Variants in RIPOR1 observed in about 807,000 individuals in gnomAD.
RIPOR1 encodes the protein RHO family interacting cell polarization regulator 1.
In RIPOR1, 58 loss-of-function variants were observed where a neutral mutation model predicts 116.5. The ratio of observed to expected loss-of-function variants is 0.50; its 90% CI spans 0.40 to 0.62. RIPOR1 has a LOEUF of 0.62. Ranked by LOEUF, RIPOR1 falls within the 20% of genes least tolerant of loss-of-function variation. The pLI is 0.00. For synonymous variants in RIPOR1, 605 were observed against 650.0 expected, an observed-to-expected ratio of 0.93 and a Z score of 1.05; for missense variants, 1,372 against 1,586.2, an observed-to-expected ratio of 0.86 and a Z score of 2.29.
intron 4 of RIPOR1, 27 bp from the exon 5 acceptor site, chr16:67,539,701 A>G: frequency 6.2e-7 from 1 of 1,613,690 alleles, no homozygotes; most frequent in East Asian, 2.2e-5. Context: ...CCTCCTAAAT[A>G]TTTGCCCCTT....
In RIPOR1 at chr16:67,545,014, G is replaced by C. The variant is rs2142616138; in HGVS notation, c.2928G>C (p.Glu976Asp). The C allele has an allele frequency of 1.2e-6, 2 of 1,613,634 alleles. No individual in the cohort carries two copies. Among genetic ancestry groups the C allele is most frequent in the Non-Finnish European group, 1.7e-6 (2 of 1,180,026 alleles). ...TGACCTTCTGGGACCAGTGCACAGA[G>C]AGACTCAGCTGCTTCCTCTGCCCGG... Reference protein sequence around the residue: ...GFLTFWDQCTERLSCFLCPVE... With the variant: ...GFLTFWDQCTDRLSCFLCPVE... The change falls in exon 17 of 22, where the codon GAG becomes GAC. Residue 976 changes from glutamate to aspartate, a missense_variant. This residue lies in a region of RIPOR1 where 1,005 missense variants were observed against 1,144.7 expected (regional missense o/e 0.88). Coordinates refer to ENST00000042381, the MANE Select transcript of RIPOR1 (RefSeq NM_024519.4). This position sits in a 1 kb window ranked among gnomAD's most constrained non-coding sequence, Gnocchi z 4.8.
At chr16:67,526,657 C>T (rs2050542240), upstream of RIPOR1, among the ~76,000 whole-genome samples, 1 of 152,238 alleles carries the variant, frequency 6.6e-6, no homozygotes, top group Non-Finnish European at 1.5e-5. Context: ...CCTACCCGCA[C>T]ACTACTTAGA....
In RIPOR1 at chr16:67,536,015, A is replaced by C. The variant is rs192396347; in HGVS notation, c.-23-2409A>C. On this transcript the variant is annotated intron_variant, in intron 1 of 21. Transcript: ENST00000042381. Reference sequence around the variant, plus strand: ...GGCCCAACCCAGCCTTTTGGGGAGAAAGTAAGCACAGTATGGGAGAACTGA... The same window carrying C: ...GGCCCAACCCAGCCTTTTGGGGAGACAGTAAGCACAGTATGGGAGAACTGA... Among the ~76,000 whole-genome samples, 234 of 152,282 alleles carry C rather than the reference A, an allele frequency of 1.5e-3. 1 individual carries two copies. Among genetic ancestry groups the C allele is most frequent in the African/African-American group, 5.5e-3 (229 of 41,548 alleles).
rs34525780 is a variant in RIPOR1 at position 67,519,712 on chromosome 16, G to A, written c.-24+1099G>A. Among the ~76,000 whole-genome samples, 487 of 152,134 alleles carry A rather than the reference G, an allele frequency of 3.2e-3. 7 individuals are homozygous for A. Among genetic ancestry groups the A allele is most frequent in the African/African-American group, 0.011 (454 of 41,508 alleles). On this transcript the variant is annotated intron_variant, in intron 1 of 1. Coordinates refer to the RIPOR1 transcript ENST00000562116. ...AGGTGTCCGAAGGTCATCCTAAGTG[G>A]GGGAAGTGGAGCAAGAGATGTGGGG...
chr16:67,539,589 A>G, intron 4 of RIPOR1, 139 bp from the exon 5 acceptor site: 1 of 1,022,078 alleles, frequency 9.8e-7, no homozygotes, highest in Non-Finnish European at 1.5e-6. Context: ...GACCAGCAGG[A>G]AGGGGCGTCA....
Position 67,541,747 on chromosome 16 carries a change from C to A in RIPOR1, c.1045C>A (p.Pro349Thr), listed in dbSNP as rs1334622833. 2 of 1,614,136 alleles carry A rather than the reference C, an allele frequency of 1.2e-6. No individual in the cohort carries two copies. Among genetic ancestry groups the A allele is most frequent in the South Asian group, 1.1e-5 (1 of 91,082 alleles). The change falls in exon 12 of 22, where the codon CCG becomes ACG. Residue 349 changes from proline (P) to threonine (T), a missense_variant. Pro to Thr is a conservative substitution (Grantham distance 38, BLOSUM62 -1). Around this residue, in one of 3 missense-constraint regions of RIPOR1, gnomAD observed 1,005 missense variants for 1,144.7 expected, o/e 0.88. Coordinates refer to ENST00000042381, the MANE Select transcript of RIPOR1 (RefSeq NM_024519.4). This position sits in a 1 kb window ranked among gnomAD's most constrained non-coding sequence, Gnocchi z 4.6. The part of the protein sequence containing the change: ...KRFSTYSQSP[P>T]DTPSLREQAF... ...CTTCTCCACCTATAGCCAGAGCCCA[C>A]CGGACACACCCTCACTTCGGGAACA...
chr16:67,533,024 C>G (rs369128944), intron 1 of RIPOR1, among the ~76,000 whole-genome samples: 1 of 151,802 alleles, frequency 6.6e-6, no homozygotes, highest in African/African-American at 2.4e-5. Context: ...GGTGAGGGGG[C>G]AGATTGCAGA....
Position 67,545,286 on chromosome 16 carries a change from C to G in RIPOR1, c.3032-90C>G, listed in dbSNP as rs1222058976. ...GATGGGTGGGGTTTGAACAGGGGGC[C>G]CCTGGACCTGAGCCTGGGATAGGAG... On this transcript the variant is annotated intron_variant, in intron 17 of 21. Coordinates refer to ENST00000042381, the MANE Select transcript of RIPOR1 (RefSeq NM_024519.4). This position sits in a 1 kb window ranked among gnomAD's most constrained non-coding sequence, Gnocchi z 4.8. 3.2e-6 allele frequency: 5 copies of G among 1,547,120 alleles called. No individual in the cohort carries two copies. The African/African-American group carries it at 6.8e-5, about 21-fold the overall frequency.
Position 67,544,366 on chromosome 16 carries a change from A to G in RIPOR1, c.2668A>G (p.Thr890Ala). Residue 890 changes from threonine to alanine, a missense_variant, in exon 15 of 22, where the codon ACG (threonine) becomes GCG (alanine). By Grantham distance (58) the Thr-to-Ala change is moderately conservative (BLOSUM62 0). Transcript: ENST00000042381. The surrounding 1 kb of genome is among the most constrained non-coding windows in gnomAD (Gnocchi z 5.1). ...IDSPSARPLSTGCPALDAALV... is the reference protein window; with the variant it reads ...IDSPSARPLSAGCPALDAALV... ...CTCACCCAGTGCCCGCCCCCTCAGC[A>G]CGGGGTGTCCAGCTCTGGATGCTGC... 1 of 1,613,274 alleles carries G rather than the reference A, an allele frequency of 6.2e-7. No homozygotes were observed. Among genetic ancestry groups the G allele is most frequent in the Non-Finnish European group, 8.5e-7 (1 of 1,179,822 alleles).
upstream of RIPOR1, among the ~76,000 whole-genome samples, chr16:67,527,053 G>A (rs1415172547): frequency 6.6e-6 from 1 of 152,136 alleles, no homozygotes; most frequent in Non-Finnish European, 1.5e-5. Flanking sequence ...CCCTGAGACT[G>A]GATGATATTT....
rs2050645490 is a variant in RIPOR1 at position 67,530,935 on chromosome 16, C to T, written c.-24+2021C>T. ...AGCTCTTTCCCTACCTGCTCTCACC[C>T]AGCAAGGGCAATCTTGCCCGCCCAT... On this transcript the variant is annotated intron_variant, in intron 1 of 21. Coordinates refer to ENST00000042381, the MANE Select transcript of RIPOR1 (RefSeq NM_024519.4). The surrounding 1 kb of genome is among the most constrained non-coding windows in gnomAD (Gnocchi z 4.5). Among the ~76,000 whole-genome samples the T allele has an allele frequency of 6.6e-6, 1 of 152,152 alleles. No homozygotes were observed. The highest frequency in any genetic ancestry group is 1.5e-5 in the Non-Finnish European group (1 of 68,018).
At chr16:67,520,787 G>A (rs1277021477) in intron 1 of RIPOR1, among the ~76,000 whole-genome samples, 4 of 150,964 alleles carry the variant, frequency 2.6e-5, no homozygotes, top group African/African-American at 7.4e-5. Context: ...GCGACAGAGT[G>A]AGACTCCATC....
chr16:67,525,409 A>G (rs1001852257), upstream of RIPOR1, among the ~76,000 whole-genome samples: 6 of 151,902 alleles, frequency 3.9e-5, no homozygotes, highest in Non-Finnish European at 8.8e-5. Flanking sequence ...TGAATGAATG[A>G]TGTGGCCCCA....
At chr16:67,523,347 G>A (rs2050510450) in intron 1 of RIPOR1, among the ~76,000 whole-genome samples, 1 of 151,872 alleles carries the variant, frequency 6.6e-6, no homozygotes, top group Non-Finnish European at 1.5e-5. Flanking sequence ...CCAACATGGT[G>A]AAACCCTGTC....
Position 67,530,114 on chromosome 16 carries a change from G to A in RIPOR1, c.-24+1200G>A, listed in dbSNP as rs1172209074. The A allele has an allele frequency of 1.6e-5, 9 of 569,726 alleles. No individual in the cohort carries two copies. The East Asian group carries it at 2.7e-4, about 17-fold the overall frequency. 35.3% of individuals were successfully genotyped at this position (569,726 alleles called of 1,614,324 possible). ...TGAGCCGCCCCAGGGGTCTGGGTTT[G>A]GGTGCGGGTGAGGGGAGGACTCAGG... On this transcript the variant is annotated intron_variant, in intron 1 of 21. Coordinates refer to ENST00000042381, the MANE Select transcript of RIPOR1 (RefSeq NM_024519.4). The surrounding 1 kb of genome is among the most constrained non-coding windows in gnomAD (Gnocchi z 4.5).
chr16:67,536,801 G>A lies in RIPOR1; in HGVS notation c.-23-1623G>A, dbSNP rs1246808402. 3.9e-5 allele frequency among the ~76,000 whole-genome samples: 6 copies of A among 151,976 alleles called. No homozygotes were observed. In the South Asian group the frequency reaches 6.2e-4, roughly 16 times the overall value. On this transcript the variant is annotated intron_variant, in intron 1 of 21. Transcript: ENST00000042381. ...CTGGTGATCAGTGCCCTAACTCTCC[G>A]CCCTCCATTGGCACAGCCCCTCCAA...
chr16:67,545,093 C>T lies in RIPOR1; in HGVS notation c.3007C>T (p.Arg1003Cys), dbSNP rs149818626. The change falls in exon 17 of 22, where the codon CGC becomes TGC. Residue 1003 changes from arginine to cysteine, a missense_variant. Arg to Cys is a radical substitution (Grantham distance 180, BLOSUM62 -3). Coordinates refer to ENST00000042381, the MANE Select transcript of RIPOR1 (RefSeq NM_024519.4). This position sits in a 1 kb window ranked among gnomAD's most constrained non-coding sequence, Gnocchi z 4.8. ...CNQYGARLSLRQPGLAEAVCV... is the reference protein window; with the variant it reads ...CNQYGARLSLCQPGLAEAVCV... The stretch of plus-strand genomic sequence containing the variant: ...CCAGTATGGTGCCCGCCTCTCCCTG[C>T]GCCAGCCAGGCTTGGCTGAGGCTGG... 1.0e-4 allele frequency: 162 copies of T among 1,613,080 alleles called. No homozygotes were observed. In the African/African-American group the frequency reaches 1.8e-3, roughly 18 times the overall value.
chr16:67,537,397 C>T lies in RIPOR1; in HGVS notation c.-23-1027C>T. 2.4e-6 allele frequency: 3 copies of T among 1,237,902 alleles called. No homozygotes were observed. Among genetic ancestry groups the T allele is most frequent in the Non-Finnish European group, 3.0e-6 (3 of 990,780 alleles). 76.7% of individuals were successfully genotyped at this position (1,237,902 alleles called of 1,614,324 possible). A position where few individuals can be genotyped will look rare whatever the true frequency, so the allele number is the denominator to read the frequency against. ...CGAGGGGAACCCCAGTCACCGGTCC[C>T]GCCCCATCCAGGCGGGCTGAGTCAG... On this transcript the variant is annotated intron_variant, in intron 1 of 21. Coordinates refer to ENST00000042381, the MANE Select transcript of RIPOR1 (RefSeq NM_024519.4). The surrounding 1 kb of genome is among the most constrained non-coding windows in gnomAD (Gnocchi z 4.6).
At chr16:67,533,707 G>A (rs2050719885) in intron 1 of RIPOR1, among the ~76,000 whole-genome samples, 1 of 152,006 alleles carries the variant, frequency 6.6e-6, no homozygotes, top group Non-Finnish European at 1.5e-5. Flanking sequence ...GAAAATGCAG[G>A]TAGACATCTC....
Sources: gnomAD v4.1 joint callset for allele counts (sites outside exome capture counted in the v4.1 genomes callset) on GRCh38, gnomAD v4.1.1 for gene constraint, gnomAD v4.1.1 regional missense constraint, Gnocchi (gnomAD v3.1) non-coding constraint, MANE v1.5 for transcripts, NCBI Gene and HGNC (gene_info 2026-07-23, HGNC 2026-07-21) for gene names.